Variants in CREM observed in about 807,000 individuals in gnomAD.
The protein encoded by CREM is cAMP responsive element modulator.
A neutral mutation model predicts 37.3 loss-of-function variants in CREM; 13 were observed. The ratio of observed to expected loss-of-function variants is 0.35; its 90% confidence interval spans 0.23 to 0.55. The LOEUF is 0.55. CREM is among the 20% of genes least tolerant of loss of function. The pLI is 0.88. For missense variants in CREM, 296 were observed against 362.3 expected (o/e 0.82, Z 1.49); for synonymous variants, 124 against 120.2 (o/e 1.03, Z -0.21).
intron 5 of CREM, among the ~76,000 whole-genome samples, chr10:35,185,282 T>G (rs1001798238): frequency 1.3e-5 from 2 of 152,156 alleles, no homozygotes; most frequent in East Asian, 3.9e-4. Context: ...TCTTGTATTT[T>G]TAGTAGGGAC....
At chr10:35,128,401 A>G (rs914583144) in intron 1 of CREM, among the ~76,000 whole-genome samples, 4 of 152,162 alleles carry the variant, frequency 2.6e-5, no homozygotes, top group Non-Finnish European at 5.9e-5. Context: ...CCTTGAAACA[A>G]AGATCTAGAT....
intron 3 of CREM, chr10:35,175,566 G>GT (rs2094017615): frequency 1.8e-6 from 2 of 1,131,376 alleles, no homozygotes; most frequent in Non-Finnish European, 2.6e-6. Flanking sequence ...TAGTGAGGTA[G>GT]TTTAACTGCT....
rs1455658038 is a variant in CREM, at chr10:35,178,970, C to T, written c.250C>T (p.Arg84Ter). 4 of 1,610,854 alleles carry T rather than the reference C, an allele frequency of 2.5e-6. No individual in the cohort carries two copies. The highest frequency in any genetic ancestry group is 8.5e-7 in the Non-Finnish European group (1 of 1,178,990). ...TCATAAACGTAGAGAAATCCTTTCA[C>T]GAAGACCCTCTTATAGGTAAGTTAA... ...DSHKRREILS[R>*]RPSYRKILNE... The change falls in exon 4 of 8, where the codon CGA becomes TGA. Residue 84 changes from arginine (R) to a stop codon, truncating the protein, a stop_gained. Transcript: ENST00000685392. LOFTEE classifies it high-confidence loss of function.
At chr10:35,135,798 T>C (rs2135541736) in intron 1 of CREM, among the ~76,000 whole-genome samples, 1 of 150,580 alleles carries the variant, frequency 6.6e-6, no homozygotes, top group South Asian at 2.1e-4. Context: ...GCTAGATAAT[T>C]TGGAAGAAAA....
chr10:35,179,381 C>A (rs534758838), intron 5 of CREM, 105 bp downstream of exon 5: 3 of 1,269,208 alleles, frequency 2.4e-6, no homozygotes, highest in Non-Finnish European at 3.3e-6. Flanking sequence ...TTTTAAAATG[C>A]ATCATTAATA....
chr10:35,163,668 A>G lies in CREM; in HGVS notation c.168+15177A>G, dbSNP rs974276439. ...AAACCTTGTCTCTATTAAAAATACAAAAAGTAGCCAGGCATGGTGGTGGGC... is the reference window on the plus strand; with the variant it reads ...AAACCTTGTCTCTATTAAAAATACAGAAAGTAGCCAGGCATGGTGGTGGGC... On this transcript the variant is annotated intron_variant, in intron 3 of 7. Coordinates refer to ENST00000685392, the MANE Select transcript of CREM (RefSeq NM_183011.2). 5.9e-5 allele frequency among the ~76,000 whole-genome samples: 9 copies of G among 152,086 alleles called. 1 individual carries two copies. The highest frequency in any genetic ancestry group is 5.2e-4 in the Admixed American group (8 of 15,270).
chr10:35,207,090 C>T lies in CREM; in HGVS notation c.755+39C>T, dbSNP rs781575784. 9 of 1,584,472 alleles carry T rather than the reference C, an allele frequency of 5.7e-6. No homozygotes were observed. In the East Asian group the frequency reaches 1.6e-4, roughly 28 times the overall value. On this transcript the variant is annotated intron_variant, in intron 7 of 7. Transcript: ENST00000685392. ...CAGGGAATCGGTAACTTCTAGGACA[C>T]TTTTTAAAAATTACAGTTTTCACCG... is the stretch of plus-strand genomic sequence containing the variant.
intron 5 of CREM, among the ~76,000 whole-genome samples, chr10:35,184,424 C>G (rs2094469444): frequency 6.6e-6 from 1 of 152,178 alleles, no homozygotes; most frequent in African/African-American, 2.4e-5. Flanking sequence ...CACGTAAAAC[C>G]TATTTCCAGG....
At chr10:35,160,033 A>G (rs1352894676) in intron 3 of CREM, among the ~76,000 whole-genome samples, 1 of 151,852 alleles carries the variant, frequency 6.6e-6, no homozygotes, top group Admixed American at 6.6e-5. Context: ...TTCCCTTATG[A>G]TCCAACAGAA....
At chr10:35,131,634 T>G (rs1478512708) in intron 1 of CREM, among the ~76,000 whole-genome samples, 1 of 152,216 alleles carries the variant, frequency 6.6e-6, no homozygotes, top group African/African-American at 2.4e-5. Context: ...ATTAGGCATG[T>G]TTCTGCACTT....
At chr10:35,187,012 ATATATAATATAT>A (rs1235522060) in intron 5 of CREM, among the ~76,000 whole-genome samples, 1 of 77,292 alleles carries the variant, frequency 1.3e-5, no homozygotes, top group Non-Finnish European at 2.2e-5. Context: ...ATATAATATA[ATATATAATATAT>A]ATCACATATA....
intron 3 of CREM, among the ~76,000 whole-genome samples, chr10:35,172,345 A>G (rs1028888605): frequency 6.6e-6 from 1 of 152,152 alleles, no homozygotes; most frequent in African/African-American, 2.4e-5. Context: ...TGTGGTGTGC[A>G]GAACCCTGGG....
At chr10:35,139,793 TG>T (rs1443949302) in intron 2 of CREM, among the ~76,000 whole-genome samples, 5 of 152,346 alleles carry the variant, frequency 3.3e-5, no homozygotes, top group Admixed American at 3.3e-4. Flanking sequence ...TAGTGAATAA[TG>T]TAAGATTATA....
intron 6 of CREM, among the ~76,000 whole-genome samples, chr10:35,194,744 T>G (rs1415362863): frequency 1.2e-4 from 9 of 75,356 alleles, no homozygotes; most frequent in South Asian, 4.9e-4. Flanking sequence ...TCAATGTGTT[T>G]TTTTTTTTTT....
In CREM at chr10:35,145,959, T is replaced by C. The variant is rs1434290591; in HGVS notation, c.45-2409T>C. On this transcript the variant is annotated intron_variant, in intron 2 of 7. Transcript: ENST00000685392. The stretch of plus-strand genomic sequence containing the variant: ...GGTTGAGCCTAAGCTTCTGCATTTT[T>C]TACAACAAATACTTCTCGTTAATTC... Among the ~76,000 whole-genome samples, 4 of 152,174 alleles carry C rather than the reference T, an allele frequency of 2.6e-5. No individual in the cohort carries two copies. The East Asian group carries it at 5.8e-4, about 22-fold the overall frequency.
intron 3 of CREM, among the ~76,000 whole-genome samples, chr10:35,177,236 A>T (rs751642930): frequency 1.3e-5 from 2 of 151,992 alleles, no homozygotes; most frequent in Non-Finnish European, 2.9e-5. Context: ...TCTTTGTGGC[A>T]TGGGTATTTT....
chr10:35,209,223 TTCTTTTTATTCTTTGATTGGCA>T, intron 7 of CREM: 1 of 757,724 alleles, frequency 1.3e-6, no homozygotes, highest in African/African-American at 1.9e-5. Flanking sequence ...CTTACATATT[TTCTTTTTATTCTTTGATTGGCA>T]TCTATAATCG....
intron 1 of CREM, among the ~76,000 whole-genome samples, chr10:35,134,507 G>A (rs1180470323): frequency 6.6e-6 from 1 of 152,160 alleles, no homozygotes; most frequent in Non-Finnish European, 1.5e-5. Flanking sequence ...GTGAGCCACA[G>A]CGCCTGGCCT....
intron 3 of CREM, among the ~76,000 whole-genome samples, chr10:35,158,800 TTTTTTTTTG>T (rs2093085128): frequency 7.8e-6 from 1 of 127,970 alleles, no homozygotes; most frequent in Non-Finnish European, 1.7e-5. Context: ...AATATAGTGT[TTTTTTTTTG>T]TTGTTTTGTT....
Sources: allele counts gnomAD v4.1 joint callset (sites outside exome capture counted in the v4.1 genomes callset), GRCh38; gene constraint gnomAD v4.1.1; transcripts MANE v1.5; gene names NCBI Gene and HGNC (gene_info 2026-07-23, HGNC 2026-07-21).